The following PDC variants were observed in gnomAD, a reference collection of about 807,000 sequenced individuals.
PDC encodes phosducin.
A neutral mutation model predicts 22.2 loss-of-function variants in PDC; 19 were observed. That is an observed-to-expected ratio of 0.86 (90% CI 0.60 to 1.26). The LOEUF (loss-of-function observed/expected upper bound fraction) is 1.26. Ranked by LOEUF, PDC falls within the 50% of genes most tolerant of loss-of-function variation. The pLI is 0.00. For synonymous variants in PDC, 97 were observed against 96.2 expected, an observed-to-expected ratio of 1.01 and a Z score of -0.05; for missense variants, 274 against 286.8, an observed-to-expected ratio of 0.96 and a Z score of 0.32.
intron 1 of PDC, among the ~76,000 whole-genome samples, chr1:186,454,025 A>T (rs1662402824): frequency 6.6e-6 from 1 of 152,160 alleles, no homozygotes; most frequent in Admixed American, 6.5e-5. Flanking sequence ...AACCAAGATG[A>T]GGAAATGGAA....
chr1:186,450,729 A>G (rs1318554472), intron 1 of PDC, among the ~76,000 whole-genome samples: 1 of 151,770 alleles, frequency 6.6e-6, no homozygotes, highest in African/African-American at 2.4e-5. Flanking sequence ...TGTAGAATCT[A>G]TTCTTTCATT....
In PDC at chr1:186,459,663, T is replaced by C. The variant is rs571730083; in HGVS notation, c.-25+1396A>G. 8.0e-5 allele frequency among the ~76,000 whole-genome samples: 12 copies of C among 150,472 alleles called. No homozygotes were observed. The South Asian group carries it at 2.1e-3, about 26-fold the overall frequency. On this transcript the variant is annotated intron_variant, in intron 1 of 3. Coordinates refer to ENST00000391997, the MANE Select transcript of PDC (RefSeq NM_002597.5). ...CATAGTATTTGGGCAGAAATTGTCA[T>C]GATGAATTAGATGATCTCTAAAGTT...
At chr1:186,446,805 A>G (rs1003062901) in intron 2 of PDC, among the ~76,000 whole-genome samples, 3 of 152,218 alleles carry the variant, frequency 2.0e-5, no homozygotes, top group Non-Finnish European at 4.4e-5. Flanking sequence ...AAACATTTGT[A>G]CTAATGAAAA....
intron 1 of PDC, among the ~76,000 whole-genome samples, chr1:186,455,856 C>T (rs776510228): frequency 3.0e-5 from 4 of 132,324 alleles, no homozygotes; most frequent in Non-Finnish European, 6.3e-5. Flanking sequence ...CCTGTAGTTC[C>T]AGCTACTCGG....
intron 3 of PDC, among the ~76,000 whole-genome samples, chr1:186,446,119 T>A (rs1308456116): frequency 5.3e-5 from 8 of 152,246 alleles, no homozygotes. Context: ...TTTCTTTACA[T>A]GTTTTCAAAA....
intron 1 of PDC, among the ~76,000 whole-genome samples, chr1:186,453,994 A>G (rs1404706767): frequency 6.6e-6 from 1 of 152,118 alleles, no homozygotes; most frequent in East Asian, 1.9e-4. Flanking sequence ...AGCCGACCTA[A>G]TTTTTTTGTA....
At chr1:186,459,116 C>A (rs907034880) in intron 1 of PDC, among the ~76,000 whole-genome samples, 1 of 152,150 alleles carries the variant, frequency 6.6e-6, no homozygotes, top group Non-Finnish European at 1.5e-5. Flanking sequence ...GAGCCGACAT[C>A]TCGCCACTGC....
In PDC at chr1:186,458,226, C is replaced by CTTTTTTTTTT. The variant is rs1157926478; in HGVS notation, c.-25+2823_-25+2832dup. Among the ~76,000 whole-genome samples the CTTTTTTTTTT allele has an allele frequency of 1.5e-3, 132 of 88,384 alleles. 7 individuals are homozygous for CTTTTTTTTTT. The highest frequency in any genetic ancestry group is 5.8e-3 in the African/African-American group (126 of 21,802). 58.0% of individuals were successfully genotyped at this position (88,384 alleles called of 152,430 possible). A position where few individuals can be genotyped will look rare whatever the true frequency, so the allele number is the denominator to read the frequency against. On this transcript the variant is annotated intron_variant, in intron 1 of 3. Coordinates refer to ENST00000391997, the MANE Select transcript of PDC (RefSeq NM_002597.5). Reference sequence around the variant, plus strand: ...TTTGCTATTATGACATACAGATATTCTTTTTTTTTTTTTTTTTTTTTTTTT... The same window carrying CTTTTTTTTTT: ...TTTGCTATTATGACATACAGATATTCTTTTTTTTTTTTTTTTTTTTTTTTTTTTTTTTTTT...
intron 1 of PDC, among the ~76,000 whole-genome samples, chr1:186,453,512 G>C (rs1187657826): frequency 6.6e-6 from 1 of 152,126 alleles, no homozygotes; most frequent in Non-Finnish European, 1.5e-5. Flanking sequence ...TTCAAGACTA[G>C]CTATTGTAGT....
intron 3 of PDC, 65 bp downstream of exon 3, chr1:186,446,361 C>T: frequency 8.2e-7 from 1 of 1,214,290 alleles, no homozygotes; most frequent in East Asian, 2.4e-5. Context: ...AAGTGATTCT[C>T]TAGATTGATT....
chr1:186,459,876 G>C (rs1214855679), intron 1 of PDC, among the ~76,000 whole-genome samples: 3 of 147,118 alleles, frequency 2.0e-5, no homozygotes, highest in Non-Finnish European at 4.5e-5. Flanking sequence ...GATGCAAACT[G>C]TAAGGTTTAT....
chr1:186,460,628 G>A (rs374500993), intron 1 of PDC, among the ~76,000 whole-genome samples: 1 of 152,110 alleles, frequency 6.6e-6, no homozygotes, highest in East Asian at 1.9e-4. Flanking sequence ...GCATCCAGTG[G>A]GGGTCCTGGA....
At chr1:186,451,515 T>C (rs1662353426) in intron 1 of PDC, 2 of 151,962 alleles carry the variant, frequency 1.3e-5, no homozygotes, top group South Asian at 2.1e-4. Context: ...CCCAGAAAAA[T>C]AGAGACTCAA....
At chr1:186,448,041 G>C (rs937800728) in intron 2 of PDC, among the ~76,000 whole-genome samples, 4 of 152,038 alleles carry the variant, frequency 2.6e-5, no homozygotes, top group Non-Finnish European at 4.4e-5. Context: ...ATACATAATT[G>C]ACTTAAACTG....
chr1:186,455,852 G>A (rs1662453497), intron 1 of PDC, among the ~76,000 whole-genome samples: 1 of 135,188 alleles, frequency 7.4e-6, no homozygotes, highest in Non-Finnish European at 1.6e-5. Context: ...GGTGCCTGTA[G>A]TTCCAGCTAC....
At chr1:186,445,806 G>GTAA (rs144627863) in intron 3 of PDC, among the ~76,000 whole-genome samples, 7 of 151,692 alleles carry the variant, frequency 4.6e-5, no homozygotes, top group East Asian at 1.9e-4. Flanking sequence ...AATGATAATA[G>GTAA]TAATAATAAT....
intron 1 of PDC, among the ~76,000 whole-genome samples, chr1:186,455,994 A>AAAAT (rs1553242743): frequency 1.0e-4 from 8 of 77,088 alleles, no homozygotes; most frequent in African/African-American, 2.1e-4. Context: ...AAAAAAAAAA[A>AAAAT]ATATATATAT....
Position 186,443,796 on chromosome 1 carries a change from G to C in PDC, c.*183C>G, listed in dbSNP as rs1412445103. 1.4e-5 allele frequency: 8 copies of C among 569,770 alleles called. No individual in the cohort carries two copies. Among genetic ancestry groups the C allele is most frequent in the Non-Finnish European group, 2.5e-5 (8 of 321,160 alleles). 35.3% of individuals were successfully genotyped at this position (569,770 alleles called of 1,614,324 possible). On this transcript the variant is annotated 3_prime_UTR_variant, in exon 4 of 4. Transcript: ENST00000391997. Reference sequence around the variant, plus strand: ...GAAGACAGCTCTGTTTTGTAGTCAAGCATTGTATCAATTTGAGTAACTAAT... The same window carrying C: ...GAAGACAGCTCTGTTTTGTAGTCAACCATTGTATCAATTTGAGTAACTAAT...
rs563730208 is a variant in PDC, at chr1:186,452,776, T to C, written c.-24-3293A>G. Among the ~76,000 whole-genome samples, 5 of 152,314 alleles carry C rather than the reference T, an allele frequency of 3.3e-5. No individual in the cohort carries two copies. The East Asian group carries it at 9.6e-4, about 29-fold the overall frequency. On this transcript the variant is annotated intron_variant, in intron 1 of 3. Coordinates refer to ENST00000391997, the MANE Select transcript of PDC (RefSeq NM_002597.5). Reference sequence around the variant, plus strand: ...TGACAATAGGATTATTACAGGTCTTTGGGTAAGCACATCTTTGTGTGATTG... The same window carrying C: ...TGACAATAGGATTATTACAGGTCTTCGGGTAAGCACATCTTTGTGTGATTG...
Sources: gnomAD v4.1 joint callset for allele counts (sites outside exome capture counted in the v4.1 genomes callset) on GRCh38, gnomAD v4.1.1 for gene constraint, MANE v1.5 for transcripts, NCBI Gene and HGNC (gene_info 2026-07-23, HGNC 2026-07-21) for gene names.